GRID2: variants seen among roughly 807,000 people sequenced by gnomAD.
GRID2 encodes glutamate receptor ionotropic, delta-2.
In GRID2, 33 loss-of-function variants were observed where a neutral mutation model predicts 114.8. The ratio of observed to expected loss-of-function variants is 0.29; its 90% CI spans 0.22 to 0.38. The LOEUF (loss-of-function observed/expected upper bound fraction) is 0.38. Ranked by LOEUF, GRID2 falls within the 10% of genes least tolerant of loss-of-function variation. GRID2 has a pLI of 1.00. For synonymous variants in GRID2, 505 were observed against 449.9 expected (o/e 1.12, Z -1.55); for missense variants, 1,184 against 1,257.7 (o/e 0.94, Z 0.89).
chr4:92,431,607 T>A (rs1174694455), intron 1 of GRID2, among the ~76,000 whole-genome samples: 1 of 151,630 alleles, frequency 6.6e-6, no homozygotes, highest in Non-Finnish European at 1.5e-5. Flanking sequence ...CAGTGTAATA[T>A]CCTTCAAACA....
intron 1 of GRID2, among the ~76,000 whole-genome samples, chr4:93,781,445 G>A (rs1376796961): frequency 6.6e-6 from 1 of 151,762 alleles, no homozygotes; most frequent in African/African-American, 2.4e-5. Context: ...GAGGGGCTGC[G>A]GTGAGGCCCA....
chr4:93,572,122 A>G (rs756843645), intron 13 of GRID2, among the ~76,000 whole-genome samples: 6 of 152,164 alleles, frequency 3.9e-5, no homozygotes, highest in Admixed American at 1.3e-4. Context: ...ATGAAATGGA[A>G]TGTGTTCATT....
chr4:93,131,727 T>C (rs1291586952), intron 4 of GRID2, among the ~76,000 whole-genome samples: 3 of 152,250 alleles, frequency 2.0e-5, no homozygotes, highest in Non-Finnish European at 4.4e-5. Flanking sequence ...TCTGGGTAAC[T>C]GGGATATTCA....
chr4:92,372,800 T>A (rs1471127934), intron 1 of GRID2, among the ~76,000 whole-genome samples: 1 of 152,134 alleles, frequency 6.6e-6, no homozygotes, highest in Non-Finnish European at 1.5e-5. Context: ...CAAGAGAAAT[T>A]CAGAGGAATT....
In GRID2 at chr4:93,104,579, T is replaced by C. The variant is rs201189857; in HGVS notation, c.530-6169T>C. 1.1e-4 allele frequency among the ~76,000 whole-genome samples: 16 copies of C among 152,206 alleles called. 1 individual carries two copies. The East Asian group carries it at 3.1e-3, about 29-fold the overall frequency. On this transcript the variant is annotated intron_variant, in intron 3 of 15. Transcript: ENST00000282020. ...GGTGTTTGGTTTTTTGTCCTTGCAA[T>C]AGTTTACTGAGAATGATGATTTCCA...
intron 1 of GRID2, among the ~76,000 whole-genome samples, chr4:92,445,247 C>T (rs1733390366): frequency 6.6e-6 from 1 of 151,924 alleles, no homozygotes; most frequent in Non-Finnish European, 1.5e-5. Flanking sequence ...AATTTGAGTC[C>T]CAGACTCTCT....
chr4:93,398,693 G>C (rs981823037), intron 9 of GRID2, among the ~76,000 whole-genome samples: 1 of 150,174 alleles, frequency 6.7e-6, no homozygotes, highest in African/African-American at 2.4e-5. Flanking sequence ...TTTCCTGCAA[G>C]CTTAGCCCTG....
chr4:92,710,604 C>G (rs1217503491), intron 2 of GRID2, among the ~76,000 whole-genome samples: 5 of 152,158 alleles, frequency 3.3e-5, no homozygotes, highest in African/African-American at 1.2e-4. Context: ...CTGTGCTATC[C>G]TTATTGAGAG....
chr4:93,631,227 A>T (rs11097380), intron 14 of GRID2, among the ~76,000 whole-genome samples: 67,581 of 149,268 alleles, frequency 0.45, 15,892 homozygotes, highest in East Asian at 0.65. Flanking sequence ...TTTTTTTTTT[A>T]TTATTATACT....
At chr4:92,994,526 G>A (rs914432637) in intron 2 of GRID2, among the ~76,000 whole-genome samples, 6 of 152,010 alleles carry the variant, frequency 3.9e-5, no homozygotes, top group African/African-American at 1.4e-4. Context: ...ATTTCACCAT[G>A]TTGGCCAGGC....
Position 93,679,973 on chromosome 4 carries a change from A to G in GRID2, c.2360+53538A>G, listed in dbSNP as rs191475556. Among the ~76,000 whole-genome samples, 478 of 151,378 alleles carry G rather than the reference A, an allele frequency of 3.2e-3. 19 individuals carry two copies. The highest frequency in any genetic ancestry group is 0.011 in the African/African-American group (439 of 40,926). ...AGAGACCAAAAAAACCTTTCAAAAA[A>G]TTAATGAATCCAGGAGCTGGTTTTT... On this transcript the variant is annotated intron_variant, in intron 14 of 15. Coordinates refer to ENST00000282020, the MANE Select transcript of GRID2 (RefSeq NM_001510.4).
At chr4:92,858,514 G>A (rs1744317134) in intron 2 of GRID2, among the ~76,000 whole-genome samples, 1 of 152,148 alleles carries the variant, frequency 6.6e-6, no homozygotes, top group Admixed American at 6.5e-5. Context: ...TGACTGAATT[G>A]CTGCAATCTT....
chr4:93,312,055 C>T (rs1756076986), intron 8 of GRID2, among the ~76,000 whole-genome samples: 1 of 152,086 alleles, frequency 6.6e-6, no homozygotes, highest in African/African-American at 2.4e-5. Context: ...TCCATTATCA[C>T]TCCATAATTT....
chr4:93,581,835 G>T (rs542398916), intron 13 of GRID2, among the ~76,000 whole-genome samples: 1 of 152,230 alleles, frequency 6.6e-6, no homozygotes, highest in South Asian at 2.1e-4. Context: ...TTGCAAATTA[G>T]ACTGAGCAGT....
intron 2 of GRID2, among the ~76,000 whole-genome samples, chr4:92,875,400 G>A (rs901876024): frequency 2.0e-5 from 3 of 151,990 alleles, no homozygotes; most frequent in African/African-American, 7.2e-5. Flanking sequence ...TCCTGACTTC[G>A]TAATCCACCT....
rs182609113 is a variant in GRID2 at position 92,450,757 on chromosome 4, C to T, written c.89-139374C>T. ...TCTCTTTCTTTATGTTGATCTGTGT[C>T]AATCAAGTTTTTATGTGTAAAAGTG... is the stretch of plus-strand genomic sequence containing the variant. On this transcript the variant is annotated intron_variant, in intron 1 of 15. Transcript: ENST00000282020. Among the ~76,000 whole-genome samples the T allele has an allele frequency of 2.5e-3, 373 of 150,448 alleles. 2 individuals carry two copies. The highest frequency in any genetic ancestry group is 8.5e-3 in the African/African-American group (349 of 41,194).
chr4:93,092,190 G>A (rs558933243), intron 3 of GRID2, among the ~76,000 whole-genome samples: 4 of 152,180 alleles, frequency 2.6e-5, no homozygotes, highest in South Asian at 2.1e-4. Flanking sequence ...AGGAAGATAC[G>A]CTGAGTTCCT....
intron 14 of GRID2, among the ~76,000 whole-genome samples, chr4:93,751,636 A>G (rs1732326653): frequency 6.6e-6 from 1 of 152,158 alleles, no homozygotes; most frequent in South Asian, 2.1e-4. Flanking sequence ...TCTCAACTTG[A>G]CAGGAGATCT....
intron 9 of GRID2, among the ~76,000 whole-genome samples, chr4:93,402,703 C>T (rs1470066992): frequency 2.0e-5 from 3 of 152,018 alleles, no homozygotes; most frequent in Non-Finnish European, 4.4e-5. Context: ...CAAAAAACAC[C>T]TACCACCGAA....
Sources: gnomAD v4.1 joint callset for allele counts (sites outside exome capture counted in the v4.1 genomes callset) on GRCh38, gnomAD v4.1.1 for gene constraint, MANE v1.5 for transcripts, NCBI Gene and HGNC (gene_info 2026-07-23, HGNC 2026-07-21) for gene names.